ANKRD30B: variants seen among roughly 807,000 people sequenced by gnomAD.
ANKRD30B encodes ankyrin repeat domain-containing protein 30B.
In ANKRD30B, 144 loss-of-function variants were observed where a neutral mutation model predicts 202.2. The observed-to-expected ratio is 0.71, with a 90% CI of 0.62 to 0.82. ANKRD30B has a LOEUF of 0.82. Among genes scored for constraint, ANKRD30B ranks in the 40% least tolerant of loss-of-function variants. The probability of loss-of-function intolerance (pLI) is 0.00; values close to 1 mark genes in which losing one functional copy is unlikely to be tolerated. For missense variants in ANKRD30B, 1,487 were observed against 1,669.1 expected (o/e 0.89, Z 1.90); for synonymous variants, 508 against 561.3 (o/e 0.91, Z 1.34).
chr18:14,896,920 A>G, the ANKRD30B span, among the ~76,000 whole-genome samples: 13 of 151,328 alleles, frequency 8.6e-5, no homozygotes, highest in East Asian at 1.2e-3. Flanking sequence ...TTTTCTTTCC[A>G]CAGAAAAAAT....
At chr18:14,853,106 C>T (rs1312027642) in intron 42 of ANKRD30B, among the ~76,000 whole-genome samples, 1 of 151,816 alleles carries the variant, frequency 6.6e-6, no homozygotes, top group Non-Finnish European at 1.5e-5. Context: ...AATCACCCCA[C>T]TGGTATTCAT....
At chr18:14,835,765 A>G (rs1219377645) in intron 34 of ANKRD30B, among the ~76,000 whole-genome samples, 3 of 151,914 alleles carry the variant, frequency 2.0e-5, no homozygotes, top group African/African-American at 7.2e-5. Context: ...GTGAATTTTA[A>G]AACAGAGTTT....
the ANKRD30B span, among the ~76,000 whole-genome samples, chr18:14,892,261 G>T: frequency 6.6e-6 from 1 of 152,140 alleles, no homozygotes; most frequent in Non-Finnish European, 1.5e-5. Context: ...ATATTTGCTG[G>T]CTTTTCTTTT....
the ANKRD30B span, among the ~76,000 whole-genome samples, chr18:14,914,761 T>G: frequency 6.6e-6 from 1 of 152,176 alleles, no homozygotes; most frequent in Non-Finnish European, 1.5e-5. Context: ...AGTTTCAGAA[T>G]GAGAGAAGGA....
At chr18:14,882,933 G>A in the ANKRD30B span, among the ~76,000 whole-genome samples, 3 of 152,070 alleles carry the variant, frequency 2.0e-5, no homozygotes, top group Admixed American at 6.5e-5. Flanking sequence ...ACTGCTGCTC[G>A]CTTTTGGTGT....
chr18:14,779,835 T>G, intron 10 of ANKRD30B, 125 bp from the exon 11 acceptor site: 1 of 508,742 alleles, frequency 2.0e-6, no homozygotes, highest in Non-Finnish European at 3.3e-6. Flanking sequence ...TGGTTGTTAT[T>G]CAATAGAATA....
chr18:14,868,618 G>A, the ANKRD30B span, among the ~76,000 whole-genome samples: 1 of 152,340 alleles, frequency 6.6e-6, no homozygotes, highest in East Asian at 1.9e-4. Flanking sequence ...CCTGCCTCTG[G>A]GCACCCTTTG....
intron 39 of ANKRD30B, among the ~76,000 whole-genome samples, chr18:14,844,478 T>A (rs1180475074): frequency 6.6e-6 from 1 of 152,248 alleles, no homozygotes; most frequent in Non-Finnish European, 1.5e-5. Flanking sequence ...TAATCCAGTC[T>A]ATCATTGATG....
chr18:14,805,266 C>T (rs1033823495), intron 24 of ANKRD30B, among the ~76,000 whole-genome samples: 5 of 150,872 alleles, frequency 3.3e-5, no homozygotes, highest in African/African-American at 1.2e-4. Context: ...GACTTGAATA[C>T]TTAAATTGTT....
At chr18:14,756,464 T>G (rs534921931) in intron 4 of ANKRD30B, among the ~76,000 whole-genome samples, 4 of 152,192 alleles carry the variant, frequency 2.6e-5, no homozygotes, top group African/African-American at 9.7e-5. Flanking sequence ...GTGTTTTAGA[T>G]GTGAAGTCCT....
chr18:14,919,536 C>G, the ANKRD30B span, among the ~76,000 whole-genome samples: 1 of 152,262 alleles, frequency 6.6e-6, no homozygotes, highest in African/African-American at 2.4e-5. Flanking sequence ...GTCCAGGGCT[C>G]CAGCATGTAG....
the ANKRD30B span, among the ~76,000 whole-genome samples, chr18:14,863,063 A>G: frequency 6.6e-6 from 1 of 152,208 alleles, no homozygotes; most frequent in Non-Finnish European, 1.5e-5. Context: ...CGTACCTTGA[A>G]GTTCAGATGA....
At chr18:14,941,034 A>T in the ANKRD30B span, among the ~76,000 whole-genome samples, 11 of 152,300 alleles carry the variant, frequency 7.2e-5, no homozygotes, top group Middle Eastern at 3.4e-3. Flanking sequence ...AGGAGATTCC[A>T]TCCCCAGGAT....
intron 39 of ANKRD30B, among the ~76,000 whole-genome samples, chr18:14,844,833 A>G (rs1431842782): frequency 1.3e-5 from 2 of 152,052 alleles, no homozygotes; most frequent in African/African-American, 4.8e-5. Flanking sequence ...TCTGATGGCC[A>G]GTGATGATGA....
chr18:14,793,529 G>A (rs1457700771), intron 16 of ANKRD30B, among the ~76,000 whole-genome samples: 1 of 151,576 alleles, frequency 6.6e-6, no homozygotes, highest in Non-Finnish European at 1.5e-5. Flanking sequence ...ATATAAATGG[G>A]TGTACAATGT....
intron 39 of ANKRD30B, among the ~76,000 whole-genome samples, chr18:14,847,050 T>TTATATA (rs56871571): frequency 0.018 from 2,031 of 109,982 alleles, 19 homozygotes; most frequent in Non-Finnish European, 0.026. Flanking sequence ...TGATTTAGTT[T>TTATATA]TATATATATA....
chr18:14,773,268 T>C (rs1967129266), intron 9 of ANKRD30B, among the ~76,000 whole-genome samples: 1 of 152,214 alleles, frequency 6.6e-6, no homozygotes, highest in South Asian at 2.1e-4. Context: ...AATAATCATT[T>C]TGGAGCTCTT....
intron 15 of ANKRD30B, among the ~76,000 whole-genome samples, chr18:14,788,070 A>C (rs1287479479): frequency 6.6e-6 from 1 of 152,198 alleles, no homozygotes; most frequent in Admixed American, 6.5e-5. Flanking sequence ...CTGTGCATAC[A>C]CTATATGACA....
Position 14,754,891 on chromosome 18 carries a change from T to A in ANKRD30B, c.511-8T>A, listed in dbSNP as rs769360268. ...TCATGAATTATATATTGTTCTGCTA[T>A]TTTACAGGCTAGCCTCACACCCCTT... is the stretch of plus-strand genomic sequence containing the variant. On this transcript the variant is annotated splice_polypyrimidine_tract_variant and splice_region_variant and intron_variant, in intron 3 of 43. Coordinates refer to ENST00000690538, the MANE Select transcript of ANKRD30B (RefSeq NM_001367607.2). 2.0e-6 allele frequency: 3 copies of A among 1,507,504 alleles called. No individual in the cohort carries two copies. Among genetic ancestry groups the A allele is most frequent in the Non-Finnish European group, 2.7e-6 (3 of 1,128,826 alleles). The allele number at this position is 1,507,504 out of a possible 1,614,324, so 93.4% of individuals were successfully genotyped here. A position where few individuals can be genotyped will look rare whatever the true frequency, so the allele number is the denominator to read the frequency against.
Sources: gnomAD v4.1 joint callset for allele counts (sites outside exome capture counted in the v4.1 genomes callset) on GRCh38, gnomAD v4.1.1 for gene constraint, MANE v1.5 for transcripts, NCBI Gene and HGNC (gene_info 2026-07-23, HGNC 2026-07-21) for gene names.